Variants in SNTG1 observed in about 807,000 individuals in gnomAD.
SNTG1 encodes the protein syntrophin gamma 1, also known as gamma-1-syntrophin.
In SNTG1, 39 loss-of-function variants were observed where a neutral mutation model predicts 74.7. The ratio of observed to expected loss-of-function variants is 0.52; its 90% confidence interval spans 0.40 to 0.68. The LOEUF is 0.68. SNTG1 is among the 30% of genes least tolerant of loss of function. SNTG1 has a pLI of 0.00. For synonymous variants in SNTG1, 254 were observed against 217.1 expected, an observed-to-expected ratio of 1.17 and a Z score of -1.49; for missense variants, 685 against 609.5, an observed-to-expected ratio of 1.12 and a Z score of -1.30.
chr8:50,482,206 G>A (rs772269754), intron 8 of SNTG1, among the ~76,000 whole-genome samples: 6 of 152,182 alleles, frequency 3.9e-5, no homozygotes, highest in Non-Finnish European at 7.3e-5. Context: ...CACAGTGATA[G>A]TAGATATGAA....
chr8:50,398,405 C>T (rs1361655782), intron 3 of SNTG1, among the ~76,000 whole-genome samples: 2 of 152,198 alleles, frequency 1.3e-5, no homozygotes, highest in East Asian at 3.9e-4. Context: ...CTTGCATCAT[C>T]ACGTGGCATG....
chr8:49,981,767 T>A (rs1812700688), intron 1 of SNTG1, among the ~76,000 whole-genome samples: 1 of 152,202 alleles, frequency 6.6e-6, no homozygotes, highest in African/African-American at 2.4e-5. Context: ...CCCAAAGGCA[T>A]ATAAAATATT....
chr8:50,605,937 A>G (rs2094808915), intron 13 of SNTG1, among the ~76,000 whole-genome samples: 1 of 152,190 alleles, frequency 6.6e-6, no homozygotes, highest in Admixed American at 6.5e-5. Context: ...GTTGATTGGT[A>G]TATGTTGAAC....
At chr8:50,240,123 C>T (rs2086102079) in intron 2 of SNTG1, among the ~76,000 whole-genome samples, 1 of 152,128 alleles carries the variant, frequency 6.6e-6, no homozygotes, top group African/African-American at 2.4e-5. Context: ...GCAGAGAGAG[C>T]TCATTAATAT....
At chr8:50,602,051 CTTCT>C (rs1178751892) in intron 13 of SNTG1, among the ~76,000 whole-genome samples, 1 of 151,852 alleles carries the variant, frequency 6.6e-6, no homozygotes, top group Non-Finnish European at 1.5e-5. Flanking sequence ...ATAATTGAGT[CTTCT>C]TTTTTTAATC....
At chr8:50,737,772 C>A (rs575856699) in intron 17 of SNTG1, among the ~76,000 whole-genome samples, 1 of 152,014 alleles carries the variant, frequency 6.6e-6, no homozygotes, top group Non-Finnish European at 1.5e-5. Flanking sequence ...AATCAATAAA[C>A]GTAATCCATC....
At position 50,394,218 on chromosome 8, in the gene SNTG1, T is replaced by C; in HGVS notation, c.-21T>C. ...CATTTCTGTGTCTTTTCAGACGACA[T>C]CCTTTGTGGTGCCACAGCACATGGA... On this transcript the variant is annotated 5_prime_UTR_variant, in exon 3 of 19. Coordinates refer to ENST00000642720, the MANE Select transcript of SNTG1 (RefSeq NM_018967.5). The C allele has an allele frequency of 6.2e-7, 1 of 1,612,844 alleles. No homozygotes were observed. Among genetic ancestry groups the C allele is most frequent in the South Asian group, 1.1e-5 (1 of 90,922 alleles).
At chr8:50,623,038 T>C (rs2094933386) in intron 13 of SNTG1, among the ~76,000 whole-genome samples, 1 of 152,152 alleles carries the variant, frequency 6.6e-6, no homozygotes, top group Admixed American at 6.5e-5. Context: ...CTTCACTGAA[T>C]TTGTTAGTCT....
intron 2 of SNTG1, among the ~76,000 whole-genome samples, chr8:50,359,669 G>A (rs17699210): frequency 0.05 from 7,672 of 152,196 alleles, 253 homozygotes; most frequent in Non-Finnish European, 0.071. Context: ...CTTTAAATGC[G>A]TGAAAGAAAT....
chr8:50,496,424 T>C (rs907271505), intron 8 of SNTG1, among the ~76,000 whole-genome samples: 11 of 152,190 alleles, frequency 7.2e-5, no homozygotes, highest in Non-Finnish European at 1.2e-4. Context: ...GCCCTCTTTT[T>C]ATCAATTAAA....
chr8:50,031,787 T>C (rs1817758648), intron 1 of SNTG1, among the ~76,000 whole-genome samples: 1 of 152,110 alleles, frequency 6.6e-6, no homozygotes, highest in Non-Finnish European at 1.5e-5. Flanking sequence ...CCGAAGTTTG[T>C]ATGTACTTTC....
In SNTG1 at chr8:50,704,680, G is replaced by C; in HGVS notation, c.1119G>C (p.Glu373Asp). The C allele has an allele frequency of 6.2e-7, 1 of 1,614,144 alleles. No homozygotes were observed. The highest frequency in any genetic ancestry group is 8.5e-7 in the Non-Finnish European group (1 of 1,180,026). Reference sequence around the variant, plus strand: ...GGGAGGACCTGTACTTCTCAGTGGAGCTGGAAAGTGACCTCGCCCAGTGGG... The same window carrying C: ...GGGAGGACCTGTACTTCTCAGTGGACCTGGAAAGTGACCTCGCCCAGTGGG... Reference protein sequence around the residue: ...ESGEDLYFSVELESDLAQWER... With the variant: ...ESGEDLYFSVDLESDLAQWER... The change falls in exon 16 of 19, where the codon GAG becomes GAC. Residue 373 changes from glutamate to aspartate, a missense_variant. Coordinates refer to ENST00000642720, the MANE Select transcript of SNTG1 (RefSeq NM_018967.5).
At chr8:50,095,892 T>C (rs1324004456) in intron 1 of SNTG1, among the ~76,000 whole-genome samples, 1 of 152,104 alleles carries the variant, frequency 6.6e-6, no homozygotes, top group Admixed American at 6.6e-5. Context: ...TTTTTGTTGA[T>C]AAACAAAATA....
At chr8:50,070,163 TGAG>T (rs1821241184) in intron 1 of SNTG1, among the ~76,000 whole-genome samples, 2 of 152,294 alleles carry the variant, frequency 1.3e-5, no homozygotes, top group African/African-American at 4.8e-5. Context: ...TATAATATTT[TGAG>T]AAGAAGAACA....
At chr8:50,559,336 ATTGT>A (rs1036730867) in intron 12 of SNTG1, among the ~76,000 whole-genome samples, 4 of 152,312 alleles carry the variant, frequency 2.6e-5, no homozygotes, top group African/African-American at 4.8e-5. Flanking sequence ...GTCAAAATGG[ATTGT>A]TTGTTTCCTA....
chr8:50,705,076 G>A (rs1459647211), intron 16 of SNTG1, among the ~76,000 whole-genome samples: 2 of 152,108 alleles, frequency 1.3e-5, no homozygotes, highest in Admixed American at 6.6e-5. Flanking sequence ...GTCACTTCCT[G>A]TTCTCCAAAT....
At position 50,154,039 on chromosome 8, in the gene SNTG1, G is replaced by C. The variant is rs577076092; in HGVS notation, c.-102-18522G>C. On this transcript the variant is annotated intron_variant, in intron 1 of 18. Transcript: ENST00000642720. Reference sequence around the variant, plus strand: ...AGGCATGCAGGCCTCCTTGAGCTGAGGTGGGCTCCACCCAGTTTGAGCTTC... The same window carrying C: ...AGGCATGCAGGCCTCCTTGAGCTGACGTGGGCTCCACCCAGTTTGAGCTTC... 4.6e-5 allele frequency among the ~76,000 whole-genome samples: 7 copies of C among 152,288 alleles called. No individual in the cohort carries two copies. The East Asian group carries it at 1.4e-3, about 30-fold the overall frequency.
intron 2 of SNTG1, among the ~76,000 whole-genome samples, chr8:50,318,916 T>C (rs978321752): frequency 1.3e-5 from 2 of 151,952 alleles, no homozygotes; most frequent in Admixed American, 1.3e-4. Flanking sequence ...TTACGTTTTA[T>C]CAATAGAATA....
intron 13 of SNTG1, among the ~76,000 whole-genome samples, chr8:50,634,757 T>A (rs1046010903): frequency 6.6e-6 from 1 of 152,206 alleles, no homozygotes; most frequent in Non-Finnish European, 1.5e-5. Flanking sequence ...TTTAGGCTCA[T>A]ATATCCACCA....
Sources: gnomAD v4.1 joint callset for allele counts (sites outside exome capture counted in the v4.1 genomes callset) on GRCh38, gnomAD v4.1.1 for gene constraint, MANE v1.5 for transcripts, NCBI Gene and HGNC (gene_info 2026-07-23, HGNC 2026-07-21) for gene names.